The following ST6GALNAC5 variants were observed in gnomAD, a reference collection of about 807,000 sequenced individuals.
ST6GALNAC5 encodes ST6 N-acetylgalactosaminide alpha-2,6-sialyltransferase 5, also known as alpha-N-acetylgalactosaminide alpha-2,6-sialyltransferase 5.
ST6GALNAC5 carries 27 observed loss-of-function variants against 33.6 expected under a neutral mutation model. The observed-to-expected ratio is 0.80, with a 90% CI of 0.59 to 1.11. ST6GALNAC5 has a LOEUF of 1.11. ST6GALNAC5 is among the 50% of genes least tolerant of loss of function. The pLI, the probability that ST6GALNAC5 is intolerant of heterozygous loss-of-function variation, is 0.00. For missense variants in ST6GALNAC5, 428 were observed against 454.0 expected (o/e 0.94, Z 0.52); for synonymous variants, 194 against 171.2 (o/e 1.13, Z -1.04).
intron 2 of ST6GALNAC5, among the ~76,000 whole-genome samples, chr1:76,896,300 T>A (rs1365496563): frequency 1.3e-5 from 2 of 152,118 alleles, no homozygotes; most frequent in Non-Finnish European, 2.9e-5. Flanking sequence ...TAAAGCTAAT[T>A]TGCCAGTCCT....
chr1:76,892,897 G>A (rs1022328804), intron 2 of ST6GALNAC5, among the ~76,000 whole-genome samples: 1 of 152,100 alleles, frequency 6.6e-6, no homozygotes, highest in African/African-American at 2.4e-5. Flanking sequence ...AGTAGCCAGG[G>A]CCTCTAGCTG....
intron 2 of ST6GALNAC5, among the ~76,000 whole-genome samples, chr1:77,015,607 A>C (rs1055007497): frequency 6.6e-5 from 10 of 152,196 alleles, no homozygotes; most frequent in African/African-American, 9.6e-5. Flanking sequence ...AATGCAGGCA[A>C]AAATGATACA....
At chr1:77,013,502 T>C (rs570212977) in intron 2 of ST6GALNAC5, among the ~76,000 whole-genome samples, 1 of 152,340 alleles carries the variant, frequency 6.6e-6, no homozygotes, top group Non-Finnish European at 1.5e-5. Context: ...CTGTCTGTCT[T>C]AATCACTGAA....
At chr1:77,062,075 T>G (rs1652595828) in intron 4 of ST6GALNAC5, among the ~76,000 whole-genome samples, 1 of 152,228 alleles carries the variant, frequency 6.6e-6, no homozygotes, top group African/African-American at 2.4e-5. Flanking sequence ...AAATTTGCGT[T>G]TAGCTGCTAA....
intron 2 of ST6GALNAC5, among the ~76,000 whole-genome samples, chr1:76,940,614 C>T (rs1647310918): frequency 6.6e-6 from 1 of 152,046 alleles, no homozygotes; most frequent in African/African-American, 2.4e-5. Context: ...TGCCAGGCCA[C>T]ACAGTGAGTG....
chr1:76,895,421 G>C (rs1037388335), intron 2 of ST6GALNAC5, among the ~76,000 whole-genome samples: 1 of 152,136 alleles, frequency 6.6e-6, no homozygotes, highest in African/African-American at 2.4e-5. Context: ...GGGTGATATT[G>C]TGGGGTTGTT....
intron 2 of ST6GALNAC5, chr1:76,995,521 G>T (rs932767444): frequency 6.6e-6 from 1 of 151,926 alleles, no homozygotes; most frequent in Non-Finnish European, 1.5e-5. Flanking sequence ...CAAGTTACAG[G>T]TACTTTTAAA....
intron 2 of ST6GALNAC5, among the ~76,000 whole-genome samples, chr1:77,010,071 G>A (rs1463290191): frequency 6.6e-6 from 1 of 152,170 alleles, no homozygotes; most frequent in Non-Finnish European, 1.5e-5. Flanking sequence ...TGTGTCCAGA[G>A]AACTTTCCAC....
chr1:76,924,296 G>A (rs1557724817), intron 2 of ST6GALNAC5, among the ~76,000 whole-genome samples: 1 of 152,166 alleles, frequency 6.6e-6, no homozygotes. Flanking sequence ...AGTATCTAGA[G>A]ATCATGCTTC....
In ST6GALNAC5 at chr1:76,868,819, G is replaced by A; in HGVS notation, c.261+77G>A. ...ACCTGAGCCTTCCCCCTTTCCCGGG[G>A]CTGGGAGGCGCTGTGAGTAGGTGCC... On this transcript the variant is annotated intron_variant, in intron 2 of 4. Transcript: ENST00000477717. This position sits in a 1 kb window ranked among gnomAD's most constrained non-coding sequence, Gnocchi z 4.3. 7.0e-7 allele frequency: 1 copy of A among 1,430,130 alleles called. No homozygotes were observed. The allele number at this position is 1,430,130 out of a possible 1,614,324, so 88.6% of individuals were successfully genotyped here. A position where few individuals can be genotyped will look rare whatever the true frequency, so the allele number is the denominator to read the frequency against.
At chr1:77,053,578 C>T (rs2100473627) in intron 4 of ST6GALNAC5, among the ~76,000 whole-genome samples, 1 of 152,352 alleles carries the variant, frequency 6.6e-6, no homozygotes, top group East Asian at 1.9e-4. Flanking sequence ...CCTGACCTCA[C>T]TGAGCCTTAG....
intron 2 of ST6GALNAC5, among the ~76,000 whole-genome samples, chr1:77,010,000 G>T (rs1204821016): frequency 6.6e-6 from 1 of 152,138 alleles, no homozygotes; most frequent in East Asian, 1.9e-4. Context: ...TTGGAGCAGA[G>T]TCCTTGGGCA....
At chr1:76,917,064 G>A (rs1646983389) in intron 2 of ST6GALNAC5, among the ~76,000 whole-genome samples, 1 of 152,110 alleles carries the variant, frequency 6.6e-6, no homozygotes, top group Non-Finnish European at 1.5e-5. Context: ...GAAAAGTCAG[G>A]TGGGCAAAGC....
chr1:77,035,449 A>G lies in ST6GALNAC5; in HGVS notation c.262-8755A>G, dbSNP rs935703677. Among the ~76,000 whole-genome samples the G allele has an allele frequency of 2.6e-5, 4 of 152,174 alleles. No individual in the cohort carries two copies. The East Asian group carries it at 5.8e-4, about 22-fold the overall frequency. ...GGCCATTTAAACAACACCCTTAAGT[A>G]TAGAGAGGTACCCAAATTTTGCTAG... On this transcript the variant is annotated intron_variant, in intron 2 of 4. Transcript: ENST00000477717.
In ST6GALNAC5 at chr1:77,025,626, G is replaced by A. The variant is rs1651201932; in HGVS notation, c.262-18578G>A. ...TGTAGCCACATGGGATCCTTGGGTGGCCCGGAGGCTGTGGTGGGGTGACCA... is the reference window on the plus strand; with the variant it reads ...TGTAGCCACATGGGATCCTTGGGTGACCCGGAGGCTGTGGTGGGGTGACCA... On this transcript the variant is annotated intron_variant, in intron 2 of 4. Transcript: ENST00000477717. 2.0e-5 allele frequency among the ~76,000 whole-genome samples: 3 copies of A among 152,182 alleles called. No homozygotes were observed. The South Asian group carries it at 6.2e-4, about 31-fold the overall frequency.
intron 2 of ST6GALNAC5, among the ~76,000 whole-genome samples, chr1:76,907,795 C>T (rs1259328398): frequency 6.6e-6 from 1 of 152,150 alleles, no homozygotes; most frequent in Non-Finnish European, 1.5e-5. Flanking sequence ...ACCTCTGCTT[C>T]AGCAAGTGTA....
At chr1:76,928,790 G>A (rs187511307) in intron 2 of ST6GALNAC5, among the ~76,000 whole-genome samples, 1 of 152,120 alleles carries the variant, frequency 6.6e-6, no homozygotes, top group Non-Finnish European at 1.5e-5. Flanking sequence ...TTCCAAGGCT[G>A]TTTAGGTTCT....
At chr1:76,970,909 T>C (rs1451514617) in intron 2 of ST6GALNAC5, among the ~76,000 whole-genome samples, 1 of 152,206 alleles carries the variant, frequency 6.6e-6, no homozygotes, top group Non-Finnish European at 1.5e-5. Context: ...TTGTAGATGA[T>C]GTGATTTACA....
intron 2 of ST6GALNAC5, among the ~76,000 whole-genome samples, chr1:76,959,981 G>A (rs1262759199): frequency 6.6e-6 from 1 of 152,062 alleles, no homozygotes; most frequent in Non-Finnish European, 1.5e-5. Flanking sequence ...AGCGGGAGTG[G>A]GTAGAAGAAG....
Sources: gnomAD v4.1 joint callset for allele counts (sites outside exome capture counted in the v4.1 genomes callset) on GRCh38, gnomAD v4.1.1 for gene constraint, Gnocchi (gnomAD v3.1) non-coding constraint, MANE v1.5 for transcripts, NCBI Gene and HGNC (gene_info 2026-07-23, HGNC 2026-07-21) for gene names.